SLFN12L: variants seen among roughly 807,000 people sequenced by gnomAD.
SLFN12L encodes the protein schlafen family member 12 like.
A neutral mutation model predicts 34.8 loss-of-function variants in SLFN12L; 34 were observed. The observed-to-expected ratio is 0.98, with a 90% CI of 0.74 to 1.30. The LOEUF is 1.30. SLFN12L is among the 50% of genes most tolerant of loss of function. The pLI, the probability that SLFN12L is intolerant of heterozygous loss-of-function variation, is 0.00. For missense variants in SLFN12L, 703 were observed against 696.2 expected (o/e 1.01, Z -0.11); for synonymous variants, 259 against 247.5 (o/e 1.05, Z -0.44).
At chr17:35,528,594 AG>A (rs1319694242) in intron 1 of SLFN12L, among the ~76,000 whole-genome samples, 2 of 152,226 alleles carry the variant, frequency 1.3e-5, no homozygotes, top group Admixed American at 1.3e-4. Context: ...CAATGGGGAA[AG>A]GATTCCCTAT....
chr17:35,494,434 T>TA (rs1043748206), intron 2 of SLFN12L, among the ~76,000 whole-genome samples: 12 of 152,194 alleles, frequency 7.9e-5, no homozygotes, highest in African/African-American at 9.7e-5. Flanking sequence ...TAAAAACTTT[T>TA]AAAAAATCAC....
chr17:35,505,623 G>C (rs1915441999), intron 2 of SLFN12L, among the ~76,000 whole-genome samples: 3 of 152,182 alleles, frequency 2.0e-5, no homozygotes, highest in Non-Finnish European at 1.5e-5. Flanking sequence ...AGAAAGCCCA[G>C]TTGAACATAA....
intron 2 of SLFN12L, among the ~76,000 whole-genome samples, chr17:35,496,428 A>G (rs1032282582): frequency 3.3e-5 from 5 of 152,064 alleles, no homozygotes; most frequent in African/African-American, 1.2e-4. Context: ...CGCATCCACT[A>G]CCACCTTAGA....
rs1192492157 is a variant in SLFN12L at position 35,474,692 on chromosome 17, G to GA, written c.*230_*231insT. 4.3e-5 allele frequency: 16 copies of GA among 368,854 alleles called. No individual in the cohort carries two copies. Among genetic ancestry groups the GA allele is most frequent in the Admixed American group, 9.2e-5 (2 of 21,786 alleles). 22.8% of individuals were successfully genotyped at this position (368,854 alleles called of 1,614,324 possible). A position where few individuals can be genotyped will look rare whatever the true frequency, so the allele number is the denominator to read the frequency against. On this transcript the variant is annotated 3_prime_UTR_variant, in exon 5 of 5. Transcript: ENST00000628453. ...CTCCTAGCACTTTGGGAGACCGGGG[G>GA]GGGGGGTTGAATCACGAGGTCAGGA...
rs866228822 is a variant in SLFN12L at position 35,508,749 on chromosome 17, G to A, written c.86+13530C>T. Among the ~76,000 whole-genome samples the A allele has an allele frequency of 8.6e-5, 13 of 151,600 alleles. No homozygotes were observed. The Middle Eastern group carries it at 0.031, about 357-fold the overall frequency. On this transcript the variant is annotated intron_variant, in intron 2 of 4. Coordinates refer to ENST00000628453, the MANE Select transcript of SLFN12L (RefSeq NM_001363830.2). The stretch of plus-strand genomic sequence containing the variant: ...CTTGGAGACAGTTCTCTTTTCCTTG[G>A]AGACAGTTTTTCTGATAAAACTGAG...
chr17:35,482,983 C>G (rs1914410077), intron 2 of SLFN12L, among the ~76,000 whole-genome samples: 1 of 152,076 alleles, frequency 6.6e-6, no homozygotes, highest in Non-Finnish European at 1.5e-5. Flanking sequence ...AAGAGAGGAC[C>G]AACTTCAGAG....
intron 2 of SLFN12L, chr17:35,489,922 C>A: frequency 8.9e-7 from 1 of 1,120,326 alleles, no homozygotes; most frequent in Non-Finnish European, 1.3e-6. Context: ...GCATCTTATG[C>A]TCCAAGTGGG....
At chr17:35,478,382 C>T in intron 3 of SLFN12L, 197 bp from the exon 4 acceptor site, 1 of 416,116 alleles carries the variant, frequency 2.4e-6, no homozygotes, top group South Asian at 3.2e-5. Flanking sequence ...ACTCTTGATG[C>T]TGCTGAAACA....
In SLFN12L at chr17:35,475,461, G is replaced by C; in HGVS notation, c.1301C>G (p.Ala434Gly). 3.1e-6 allele frequency: 5 copies of C among 1,609,264 alleles called. No individual in the cohort carries two copies. Among genetic ancestry groups the C allele is most frequent in the Non-Finnish European group, 4.2e-6 (5 of 1,178,114 alleles). Residue 434 changes from alanine to glycine, a missense_variant, in exon 5 of 5, where the codon GCT (alanine) becomes GGT (glycine). Transcript: ENST00000628453. ...LPGLSEKITCAPKTFCRNLFS... is the reference protein window; with the variant it reads ...LPGLSEKITCGPKTFCRNLFS... ...CAGATTTCTGCAGAAGGTTTTTGGAGCACAAGTTATCTTTTCTGATAGCCC... is the reference window on the plus strand; with the variant it reads ...CAGATTTCTGCAGAAGGTTTTTGGACCACAAGTTATCTTTTCTGATAGCCC...
At position 35,511,584 on chromosome 17, in the gene SLFN12L, T is replaced by TACACACACACACACACACAC. The variant is rs58683369; in HGVS notation, c.86+10675_86+10694dup. On this transcript the variant is annotated intron_variant, in intron 2 of 4. Transcript: ENST00000628453. ...GACCTCGTCTCTACACACACACACA[T>TACACACACACACACACACAC]ACACACACACACACACACACACACA... 7.6e-3 allele frequency among the ~76,000 whole-genome samples: 1,135 copies of TACACACACACACACACACAC among 148,388 alleles called. 20 individuals carry two copies. Among genetic ancestry groups the TACACACACACACACACACAC allele is most frequent in the African/African-American group, 0.027 (1,073 of 39,880 alleles).
chr17:35,509,703 C>CTT (rs538671249), intron 2 of SLFN12L, among the ~76,000 whole-genome samples: 1 of 145,724 alleles, frequency 6.9e-6, no homozygotes, highest in African/African-American at 2.5e-5. Flanking sequence ...AAAAGAGACT[C>CTT]TTTTTTTTTT....
intron 2 of SLFN12L, among the ~76,000 whole-genome samples, chr17:35,485,272 G>T (rs1471186635): frequency 6.6e-6 from 1 of 152,170 alleles, no homozygotes; most frequent in African/African-American, 2.4e-5. Flanking sequence ...GCAGCTCTCT[G>T]ATGATTAGTG....
At chr17:35,517,231 A>G (rs1444880412) in intron 2 of SLFN12L, among the ~76,000 whole-genome samples, 4 of 152,222 alleles carry the variant, frequency 2.6e-5, no homozygotes, top group Non-Finnish European at 4.4e-5. Context: ...AGAAAAAAAA[A>G]TCACAAGCAT....
chr17:35,490,064 G>GGC, intron 2 of SLFN12L: 4 of 1,605,956 alleles, frequency 2.5e-6, no homozygotes, highest in South Asian at 1.1e-5. Flanking sequence ...CCTCCAAAGC[G>GGC]GCGCCGTAGC....
chr17:35,506,195 C>T (rs1347008090), intron 2 of SLFN12L, among the ~76,000 whole-genome samples: 5 of 152,076 alleles, frequency 3.3e-5, no homozygotes, highest in Non-Finnish European at 7.4e-5. Flanking sequence ...AAAAGGGATT[C>T]CCAAACAAGT....
At chr17:35,515,279 C>T in intron 2 of SLFN12L, 1 of 390,292 alleles carries the variant, frequency 2.6e-6, no homozygotes, top group Non-Finnish European at 4.9e-6. Flanking sequence ...CGCTCAGACC[C>T]GACGCCGGCG....
chr17:35,487,474 C>CCCT (rs1555540812), intron 2 of SLFN12L, among the ~76,000 whole-genome samples: 1 of 152,130 alleles, frequency 6.6e-6, no homozygotes, highest in African/African-American at 2.4e-5. Context: ...ACGGACCACC[C>CCCT]CCCCCGGACC....
At chr17:35,487,836 TC>T (rs1914659180) in intron 2 of SLFN12L, 1 of 1,344,934 alleles carries the variant, frequency 7.4e-7, no homozygotes, top group Admixed American at 2.0e-5. Context: ...CAGCTGCATT[TC>T]TATCGGGCAC....
At chr17:35,524,413 T>C (rs2072313289) in intron 1 of SLFN12L, among the ~76,000 whole-genome samples, 1 of 152,214 alleles carries the variant, frequency 6.6e-6, no homozygotes, top group Non-Finnish European at 1.5e-5. Context: ...CCCTGGCCCA[T>C]GTGTATCCCA....
Sources: gnomAD v4.1 joint callset for allele counts (sites outside exome capture counted in the v4.1 genomes callset) on GRCh38, gnomAD v4.1.1 for gene constraint, MANE v1.5 for transcripts, NCBI Gene and HGNC (gene_info 2026-07-23, HGNC 2026-07-21) for gene names.